Variants in DCC observed in about 807,000 individuals in gnomAD.
DCC encodes the protein DCC netrin 1 receptor.
Under a neutral mutation model 172.5 loss-of-function variants are expected in DCC, and 58 were observed. The observed-to-expected ratio is 0.34, with a 90% CI of 0.27 to 0.42. The LOEUF is 0.42. Among genes scored for constraint, DCC ranks in the 10% least tolerant of loss-of-function variants. The pLI, the probability that DCC is intolerant of heterozygous loss-of-function variation, is 1.00. For missense variants in DCC, 1,740 were observed against 1,791.0 expected (o/e 0.97, Z 0.51); for synonymous variants, 709 against 644.5 (o/e 1.10, Z -1.52).
At chr18:52,395,624 G>A (rs1986195819) in intron 1 of DCC, among the ~76,000 whole-genome samples, 2 of 152,014 alleles carry the variant, frequency 1.3e-5, no homozygotes, top group African/African-American at 4.8e-5. Context: ...CAGATATGAA[G>A]TCCAGCTGAG....
intron 7 of DCC, among the ~76,000 whole-genome samples, chr18:53,148,320 G>C (rs1283772841): frequency 6.6e-6 from 1 of 152,186 alleles, no homozygotes; most frequent in African/African-American, 2.4e-5. Context: ...TGCACATGAA[G>C]GGTGGGAGGG....
intron 12 of DCC, among the ~76,000 whole-genome samples, chr18:53,257,887 G>A (rs1009018863): frequency 1.3e-5 from 2 of 152,154 alleles, no homozygotes; most frequent in East Asian, 3.9e-4. Context: ...CTCAATTTCA[G>A]AGCCTGTTAT....
intron 1 of DCC, among the ~76,000 whole-genome samples, chr18:52,671,182 G>C (rs957998465): frequency 6.6e-6 from 1 of 152,158 alleles, no homozygotes; most frequent in Admixed American, 6.5e-5. Flanking sequence ...TCAAACATGA[G>C]TTCTTCATAA....
At chr18:52,884,375 A>AT (rs2039539508) in intron 2 of DCC, among the ~76,000 whole-genome samples, 1 of 150,578 alleles carries the variant, frequency 6.6e-6, no homozygotes. Flanking sequence ...AGTGTGCTTC[A>AT]TTGTTTTTTA....
At chr18:53,366,394 G>A (rs139095246) in intron 15 of DCC, among the ~76,000 whole-genome samples, 144 of 152,026 alleles carry the variant, frequency 9.5e-4, no homozygotes, top group African/African-American at 3.4e-3. Context: ...TCATCGTTTA[G>A]CTAGTCATTT....
At chr18:52,516,837 T>C (rs1355103723) in intron 1 of DCC, among the ~76,000 whole-genome samples, 1 of 152,226 alleles carries the variant, frequency 6.6e-6, no homozygotes, top group African/African-American at 2.4e-5. Context: ...TCTACAAAGA[T>C]TGGAAATGTC....
intron 1 of DCC, among the ~76,000 whole-genome samples, chr18:52,525,220 G>A (rs777864590): frequency 1.1e-4 from 16 of 151,954 alleles, no homozygotes; most frequent in Non-Finnish European, 2.1e-4. Context: ...GTCCCCTATA[G>A]CCACTAGGAT....
At chr18:53,128,020 T>C (rs2043590589) in intron 7 of DCC, among the ~76,000 whole-genome samples, 1 of 152,142 alleles carries the variant, frequency 6.6e-6, no homozygotes, top group Non-Finnish European at 1.5e-5. Context: ...TTTAATAACC[T>C]CAGATTCTTT....
chr18:52,521,396 C>T (rs79288521), intron 1 of DCC, among the ~76,000 whole-genome samples: 1,763 of 152,192 alleles, frequency 0.012, 17 homozygotes, highest in Admixed American at 0.021. Flanking sequence ...CTTTAAACGA[C>T]AAAAATTTAT....
At chr18:52,807,038 A>G (rs937802066) in intron 2 of DCC, among the ~76,000 whole-genome samples, 2 of 152,118 alleles carry the variant, frequency 1.3e-5, no homozygotes, top group African/African-American at 4.8e-5. Context: ...ACTAAACACA[A>G]AAATTAGTTA....
Position 53,066,076 on chromosome 18 carries a change from G to C in DCC, c.1171G>C (p.Val391Leu). 1 of 1,613,380 alleles carries C rather than the reference G, an allele frequency of 6.2e-7. No individual in the cohort carries two copies. Among genetic ancestry groups the C allele is most frequent in the Non-Finnish European group, 8.5e-7 (1 of 1,179,582 alleles). Residue 391 changes from valine (V) to leucine (L), a missense_variant, in exon 7 of 29, where the codon GTG becomes CTG. Around this residue, in one of 2 missense-constraint regions of DCC, gnomAD observed 1,732 missense variants for 1,767.4 expected, o/e 0.98. Coordinates refer to ENST00000442544, the MANE Select transcript of DCC (RefSeq NM_005215.4). The stretch of plus-strand genomic sequence containing the variant: ...AAGCAACTTACGGATACTTGGGGTG[G>C]TGAAGTCAGATGAAGGCTTTTATCA... ...GGSNLRILGV[V>L]KSDEGFYQCV...
At chr18:53,201,653 G>T (rs144761213) in intron 9 of DCC, among the ~76,000 whole-genome samples, 19 of 151,878 alleles carry the variant, frequency 1.3e-4, no homozygotes, top group African/African-American at 1.9e-4. Flanking sequence ...ACACATTTTT[G>T]GTTTGCTTTG....
At position 53,333,373 on chromosome 18, in the gene DCC, ACT is replaced by A. The variant is rs2057553705; in HGVS notation, c.2165-6337_2165-6336del. On this transcript the variant is annotated intron_variant, in intron 14 of 28. Coordinates refer to ENST00000442544, the MANE Select transcript of DCC (RefSeq NM_005215.4). ...ATAGGCTATTGAGGACTAGAACAAA[ACT>A]CTAACAAAATGATCCATAAAATGCA... is the stretch of plus-strand genomic sequence containing the variant. Among the ~76,000 whole-genome samples the A allele has an allele frequency of 5.3e-5, 8 of 152,278 alleles. No homozygotes were observed. In the South Asian group the frequency reaches 1.7e-3, roughly 32 times the overall value.
chr18:52,427,835 TCTTC>T (rs1206938130), intron 1 of DCC, among the ~76,000 whole-genome samples: 1,632 of 45,800 alleles, frequency 0.036, 38 homozygotes, highest in East Asian at 0.21. Context: ...TTCCTTCCTT[TCTTC>T]CTTCCTTCCT....
chr18:52,550,085 G>A (rs1050175951), intron 1 of DCC, among the ~76,000 whole-genome samples: 63 of 152,044 alleles, frequency 4.1e-4, no homozygotes, highest in African/African-American at 1.4e-3. Context: ...TTGATAGTAT[G>A]TACCCTTTGT....
At chr18:53,478,159 A>G (rs1328198336) in intron 25 of DCC, among the ~76,000 whole-genome samples, 1 of 152,210 alleles carries the variant, frequency 6.6e-6, no homozygotes, top group Non-Finnish European at 1.5e-5. Context: ...TGGAGACCTC[A>G]GCTGACCTGA....
Position 53,532,232 on chromosome 18 carries a change from C to A in DCC, c.*1579C>A, listed in dbSNP as rs903566210. On this transcript the variant is annotated 3_prime_UTR_variant, in exon 29 of 29. Coordinates refer to ENST00000442544, the MANE Select transcript of DCC (RefSeq NM_005215.4). ...TAGGATCTTTACAACCTAATAGCTC[C>A]TTTTATTAGGTGGGTAATTATATAT... 2.0e-5 allele frequency: 3 copies of A among 152,074 alleles called. No individual in the cohort carries two copies. The highest frequency in any genetic ancestry group is 7.2e-5 in the African/African-American group (3 of 41,406). The allele number at this position is 152,074 out of a possible 1,614,324, so 9.4% of individuals were successfully genotyped here.
intron 21 of DCC, among the ~76,000 whole-genome samples, chr18:53,426,393 A>T (rs531505274): frequency 5.6e-4 from 79 of 140,172 alleles, no homozygotes; most frequent in African/African-American, 2.0e-3. Flanking sequence ...TATCATATAT[A>T]TTTATGATAT....
In DCC at chr18:53,226,948, A is replaced by ATT. The variant is rs397976119; in HGVS notation, c.1911+11369_1911+11370dup. ...TGTGTGTGTGTGTATATATATATAT[A>ATT]TTTTTTTTTTTTTTTTTTTGAGGCA... is the stretch of plus-strand genomic sequence containing the variant. On this transcript the variant is annotated intron_variant, in intron 12 of 28. Coordinates refer to ENST00000442544, the MANE Select transcript of DCC (RefSeq NM_005215.4). 8.9e-3 allele frequency among the ~76,000 whole-genome samples: 470 copies of ATT among 52,974 alleles called. 23 individuals are homozygous for ATT. The highest frequency in any genetic ancestry group is 0.012 in the South Asian group (34 of 2,832). 34.8% of individuals were successfully genotyped at this position (52,974 alleles called of 152,430 possible). A position where few individuals can be genotyped will look rare whatever the true frequency, so the allele number is the denominator to read the frequency against.
Sources: gnomAD v4.1 joint callset for allele counts (sites outside exome capture counted in the v4.1 genomes callset) on GRCh38, gnomAD v4.1.1 for gene constraint, gnomAD v4.1.1 regional missense constraint, MANE v1.5 for transcripts, NCBI Gene and HGNC (gene_info 2026-07-23, HGNC 2026-07-21) for gene names.